Variants in TG observed in about 807,000 individuals in gnomAD.
TG encodes the protein thyroid hormones.
Under a neutral mutation model 324.7 loss-of-function variants are expected in TG, and 270 were observed. The observed-to-expected ratio is 0.83, with a 90% confidence interval of 0.75 to 0.92. TG has a LOEUF of 0.92. Ranked by LOEUF, TG falls within the 40% of genes least tolerant of loss-of-function variation. The pLI, the probability that TG is intolerant of heterozygous loss-of-function variation, is 0.00. For missense variants in TG, 3,591 were observed against 3,456.4 expected, an observed-to-expected ratio of 1.04 and a Z score of -0.98; for synonymous variants, 1,401 against 1,327.0, an observed-to-expected ratio of 1.06 and a Z score of -1.21.
rs1470464670 is a variant in TG, at chr8:133,096,202, G to A, written c.7405-4G>A. The A allele has an allele frequency of 1.9e-6, 3 of 1,614,238 alleles. No homozygotes were observed. Among genetic ancestry groups the A allele is most frequent in the Non-Finnish European group, 2.5e-6 (3 of 1,180,040 alleles). On this transcript the variant is annotated splice_polypyrimidine_tract_variant and splice_region_variant and intron_variant, in intron 42 of 47. Transcript: ENST00000220616. The stretch of plus-strand genomic sequence containing the variant: ...ACAACTGATTATTGTTGCATCCAAT[G>A]CAGCTCCTGGCCGTGAGTGGCCCTT...
rs1834530238 is a variant in TG at position 133,011,792 on chromosome 8, G to A, written c.6263-109G>A. 3 of 1,382,918 alleles carry A rather than the reference G, an allele frequency of 2.2e-6. No individual in the cohort carries two copies. The African/African-American group carries it at 4.3e-5, about 20-fold the overall frequency. The allele number at this position is 1,382,918 out of a possible 1,614,324, so 85.7% of individuals were successfully genotyped here. A position where few individuals can be genotyped will look rare whatever the true frequency, so the allele number is the denominator to read the frequency against. On this transcript the variant is annotated intron_variant, in intron 35 of 47. Coordinates refer to ENST00000220616, the MANE Select transcript of TG (RefSeq NM_003235.5). ...AAGGTTGCACAGGAATGGAGACCAA[G>A]AGGAGGATGCCCCTAAGGCTGCCTT...
At chr8:133,057,687 C>T (rs535460132) in intron 41 of TG, among the ~76,000 whole-genome samples, 11 of 151,628 alleles carry the variant, frequency 7.3e-5, no homozygotes, top group African/African-American at 2.4e-4. Context: ...TCAAGTCCTG[C>T]TTCCTTTTGT....
At chr8:132,902,057 T>C (rs1818006984) in intron 16 of TG, among the ~76,000 whole-genome samples, 1 of 152,192 alleles carries the variant, frequency 6.6e-6, no homozygotes, top group South Asian at 2.1e-4. Flanking sequence ...TTATTATTGA[T>C]TTTTAACCTT....
intron 27 of TG, among the ~76,000 whole-genome samples, chr8:132,957,202 G>C (rs1469905223): frequency 6.6e-6 from 1 of 152,172 alleles, no homozygotes; most frequent in Non-Finnish European, 1.5e-5. Flanking sequence ...AATCTCTGTA[G>C]GTGCTGGTCA....
At position 132,888,581 on chromosome 8, in the gene TG, A is replaced by G. The variant is rs1815762460; in HGVS notation, c.2761+13A>G. 6 of 1,604,550 alleles carry G rather than the reference A, an allele frequency of 3.7e-6. No homozygotes were observed. The highest frequency in any genetic ancestry group is 5.1e-6 in the Non-Finnish European group (6 of 1,176,636). Reference sequence around the variant, plus strand: ...AAGCTCCCAACATGTGAGCTAACGCATATGAAGAGTTAAATGTGTGTGTGT... The same window carrying G: ...AAGCTCCCAACATGTGAGCTAACGCGTATGAAGAGTTAAATGTGTGTGTGT... On this transcript the variant is annotated intron_variant, in intron 10 of 47. Transcript: ENST00000220616.
intron 25 of TG, among the ~76,000 whole-genome samples, chr8:132,939,853 T>G (rs1361338381): frequency 6.6e-6 from 1 of 152,056 alleles, no homozygotes; most frequent in Non-Finnish European, 1.5e-5. Context: ...ATTTTTGTAT[T>G]GTTAGTAGAG....
chr8:133,017,727 T>G (rs1835171041), intron 37 of TG, 51 bp from the exon 38 acceptor site: 1 of 1,529,496 alleles, frequency 6.5e-7, no homozygotes, highest in South Asian at 1.1e-5. Context: ...GAGAGAGCAC[T>G]CACTGAGGCC....
intron 43 of TG, chr8:133,102,594 G>A (rs1217842703): frequency 4.5e-6 from 7 of 1,550,078 alleles, no homozygotes; most frequent in East Asian, 4.9e-5. Flanking sequence ...TCCATTCGCA[G>A]CAAATGATCT....
intron 10 of TG, 98 bp from the exon 11 acceptor site, chr8:132,893,592 G>T (rs1452460317): frequency 2.6e-6 from 4 of 1,519,510 alleles, no homozygotes; most frequent in Non-Finnish European, 3.6e-6. Flanking sequence ...TGTGTGTGTG[G>T]TGTGTATGTG....
chr8:132,911,384 C>G lies in TG; in HGVS notation c.4010C>G (p.Thr1337Ser), dbSNP rs746111334. Residue 1337 changes from threonine (T) to serine (S), a missense_variant, in exon 19 of 48, where the codon ACT becomes AGT. Coordinates refer to ENST00000220616, the MANE Select transcript of TG (RefSeq NM_003235.5). Reference protein sequence around the residue: ...ARGFCQIQVKTFGTLVSIPVC... With the variant: ...ARGFCQIQVKSFGTLVSIPVC... ...GTGTCTGTCTTCTTGTAGGTGAAGA[C>G]TTTTGGCACCCTGGTTTCCATTCCT... 1.5e-5 allele frequency: 24 copies of G among 1,614,072 alleles called. No homozygotes were observed. In the South Asian group the frequency reaches 2.5e-4, roughly 17 times the overall value.
At chr8:132,969,699 T>G in intron 32 of TG, 130 bp downstream of exon 32, 1 of 708,838 alleles carries the variant, frequency 1.4e-6, no homozygotes, top group Admixed American at 2.1e-5. Flanking sequence ...GATCACGAGG[T>G]CAAGAGATCA....
At chr8:132,873,246 T>C in intron 5 of TG, 25 bp downstream of exon 5, 2 of 1,613,598 alleles carry the variant, frequency 1.2e-6, no homozygotes, top group Middle Eastern at 1.7e-4. Context: ...GGTGTGCCAG[T>C]CACTGGGCCA....
rs142397084 is a variant in TG at position 132,900,270 on chromosome 8, G to A, written c.3364G>A (p.Ala1122Thr). Residue 1122 changes from alanine to threonine, a missense_variant, in exon 15 of 48, where the codon GCT becomes ACT. Physicochemically the swap from Ala to Thr is moderately conservative, Grantham distance 58. Transcript: ENST00000220616. ...GTATGCCAGGCTGCAGGCATCGGGG[G>A]CTGGCACCTGGTGTGTGGACCCTGC... is the stretch of plus-strand genomic sequence containing the variant. ...GEYARLQASG[A>T]GTWCVDPASG... 1 of 1,614,050 alleles carries A rather than the reference G, an allele frequency of 6.2e-7. No homozygotes were observed. Among genetic ancestry groups the A allele is most frequent in the Non-Finnish European group, 8.5e-7 (1 of 1,180,008 alleles).
intron 37 of TG, among the ~76,000 whole-genome samples, chr8:133,014,989 G>T (rs1018104447): frequency 2.0e-5 from 3 of 152,052 alleles, no homozygotes; most frequent in African/African-American, 7.2e-5. Flanking sequence ...GGGTTCAAGC[G>T]ATTCTCATGC....
At chr8:132,897,895 T>C in intron 12 of TG, 109 bp downstream of exon 12, 1 of 1,355,702 alleles carries the variant, frequency 7.4e-7, no homozygotes, top group Admixed American at 1.9e-5. Context: ...GGCTCCTCTT[T>C]AGCAGCTGGT....
rs191605668 is a variant in TG at position 133,038,917 on chromosome 8, G to A, written c.7239+8894G>A. 2.6e-3 allele frequency among the ~76,000 whole-genome samples: 401 copies of A among 152,242 alleles called. 1 individual carries two copies. The highest frequency in any genetic ancestry group is 3.9e-3 in the Non-Finnish European group (264 of 68,020). ...TTTTAAGATGGAGTCTCGCTCTGTT[G>A]CCCAGGCTGGAGTGCAGTGGTGCAA... On this transcript the variant is annotated intron_variant, in intron 41 of 47. Coordinates refer to ENST00000220616, the MANE Select transcript of TG (RefSeq NM_003235.5).
chr8:132,880,326 A>G (rs1563899387), intron 5 of TG, among the ~76,000 whole-genome samples: 1 of 152,244 alleles, frequency 6.6e-6, no homozygotes, highest in Non-Finnish European at 1.5e-5. Context: ...AAATGAATCA[A>G]TGTGTATTAA....
At chr8:132,939,929 G>A (rs780216348) in intron 25 of TG, among the ~76,000 whole-genome samples, 1 of 152,114 alleles carries the variant, frequency 6.6e-6, no homozygotes, top group Non-Finnish European at 1.5e-5. Flanking sequence ...ACCCACCTTG[G>A]CCTCCCAAAG....
intron 27 of TG, among the ~76,000 whole-genome samples, chr8:132,952,887 A>ACT (rs1826322298): frequency 1.3e-5 from 2 of 152,324 alleles, no homozygotes; most frequent in East Asian, 3.9e-4. Context: ...CCTTCAGCTT[A>ACT]GGAGACCAGT....
Sources: gnomAD v4.1 joint callset for allele counts (sites outside exome capture counted in the v4.1 genomes callset) on GRCh38, gnomAD v4.1.1 for gene constraint, MANE v1.5 for transcripts, NCBI Gene and HGNC (gene_info 2026-07-23, HGNC 2026-07-21) for gene names.